The following RIMS2 variants were observed in gnomAD, a reference collection of about 807,000 sequenced individuals.
RIMS2 encodes regulating synaptic membrane exocytosis 2.
In RIMS2, 59 loss-of-function variants were observed where a neutral mutation model predicts 174.4. The ratio of observed to expected loss-of-function variants is 0.34; its 90% confidence interval spans 0.27 to 0.42. The LOEUF (loss-of-function observed/expected upper bound fraction) is 0.42, where lower values mean the gene tolerates loss of function less well. Among genes scored for constraint, RIMS2 ranks in the 10% least tolerant of loss-of-function variants. The probability of loss-of-function intolerance (pLI) is 1.00; values close to 1 mark genes in which losing one functional copy is unlikely to be tolerated. For synonymous variants in RIMS2, 606 were observed against 572.5 expected (o/e 1.06, Z -0.84); for missense variants, 1,620 against 1,666.3 (o/e 0.97, Z 0.48).
intron 11 of RIMS2, among the ~76,000 whole-genome samples, chr8:103,929,287 A>G (rs1022753476): frequency 1.3e-5 from 2 of 151,792 alleles, no homozygotes; most frequent in Non-Finnish European, 3.0e-5. Context: ...AAATCTGAAA[A>G]GAATACTCTC....
chr8:103,846,651 G>A (rs1487083269), intron 3 of RIMS2, among the ~76,000 whole-genome samples: 2 of 152,086 alleles, frequency 1.3e-5, no homozygotes, highest in Admixed American at 6.6e-5. Context: ...CACCAACAAT[G>A]TGTACATTAG....
intron 1 of RIMS2, among the ~76,000 whole-genome samples, chr8:103,585,976 C>T (rs1563891594): frequency 6.9e-6 from 1 of 144,624 alleles, no homozygotes; most frequent in Non-Finnish European, 1.5e-5. Flanking sequence ...GATCTCAAGA[C>T]TAAAATGATA....
At chr8:103,562,850 C>T (rs893167134) in intron 1 of RIMS2, among the ~76,000 whole-genome samples, 3 of 152,158 alleles carry the variant, frequency 2.0e-5, no homozygotes, top group African/African-American at 7.2e-5. Context: ...GTTCCCAAAC[C>T]TCAGCTCTTG....
At chr8:103,518,879 G>T (rs1006713582) in intron 1 of RIMS2, among the ~76,000 whole-genome samples, 1 of 150,158 alleles carries the variant, frequency 6.7e-6, no homozygotes, top group Non-Finnish European at 1.5e-5. Context: ...TCTCTATTCT[G>T]GGTTTGTCCT....
intron 19 of RIMS2, among the ~76,000 whole-genome samples, chr8:104,189,831 A>G (rs1404211949): frequency 1.3e-5 from 2 of 152,028 alleles, no homozygotes; most frequent in East Asian, 3.9e-4. Flanking sequence ...AAAAACCAAT[A>G]ATTACTTTGC....
chr8:103,537,251 T>A (rs1391973131), intron 1 of RIMS2, among the ~76,000 whole-genome samples: 2 of 152,136 alleles, frequency 1.3e-5, no homozygotes, highest in Non-Finnish European at 2.9e-5. Context: ...AAATTAACAG[T>A]GATTATATTG....
At chr8:103,856,895 C>T (rs1209966032) in intron 3 of RIMS2, among the ~76,000 whole-genome samples, 1 of 152,016 alleles carries the variant, frequency 6.6e-6, no homozygotes, top group Non-Finnish European at 1.5e-5. Context: ...CAACCTCCGC[C>T]TCTCAGGTTC....
chr8:103,666,362 C>T (rs1443345797), intron 1 of RIMS2, among the ~76,000 whole-genome samples: 1 of 152,082 alleles, frequency 6.6e-6, no homozygotes, highest in East Asian at 1.9e-4. Context: ...CAGTTTTAGG[C>T]TAAGCCTAAT....
chr8:103,858,613 G>T (rs12114508), intron 3 of RIMS2, among the ~76,000 whole-genome samples: 1 of 150,482 alleles, frequency 6.6e-6, no homozygotes, highest in Non-Finnish European at 1.5e-5. Context: ...CTGTGTGTGT[G>T]TGTATATATA....
At chr8:103,941,183 T>C (rs1023821870) in intron 13 of RIMS2, among the ~76,000 whole-genome samples, 5 of 152,098 alleles carry the variant, frequency 3.3e-5, no homozygotes, top group Admixed American at 6.6e-5. Flanking sequence ...AGAGAAAATT[T>C]AGGAAGAATG....
At chr8:103,517,946 C>G (rs1235926991) in intron 1 of RIMS2, among the ~76,000 whole-genome samples, 2 of 150,546 alleles carry the variant, frequency 1.3e-5, no homozygotes, top group East Asian at 2.0e-4. Flanking sequence ...GCAAAAAAAT[C>G]TCATCATATT....
chr8:103,608,002 G>C (rs2095201162), intron 1 of RIMS2, among the ~76,000 whole-genome samples: 4 of 147,816 alleles, frequency 2.7e-5, no homozygotes, highest in Admixed American at 2.7e-4. Context: ...CTCTCAGCTC[G>C]TCAAAGTCAT....
chr8:103,584,226 A>C (rs2093776122), intron 1 of RIMS2, among the ~76,000 whole-genome samples: 1 of 152,230 alleles, frequency 6.6e-6, no homozygotes, highest in Non-Finnish European at 1.5e-5. Context: ...TTATTGTAGA[A>C]TAGTATATCT....
chr8:104,100,138 T>C (rs1206198974), intron 19 of RIMS2, among the ~76,000 whole-genome samples: 2 of 152,198 alleles, frequency 1.3e-5, no homozygotes, highest in African/African-American at 4.8e-5. Context: ...TTTCTTGCAA[T>C]GATGTTTTGT....
intron 13 of RIMS2, among the ~76,000 whole-genome samples, chr8:103,938,328 G>A (rs1252469067): frequency 6.6e-6 from 1 of 152,116 alleles, no homozygotes; most frequent in African/African-American, 2.4e-5. Flanking sequence ...AGCAAGTCAC[G>A]TCTTACATGG....
chr8:103,738,177 C>A (rs1325753001), intron 2 of RIMS2, among the ~76,000 whole-genome samples: 3 of 152,038 alleles, frequency 2.0e-5, no homozygotes, highest in Non-Finnish European at 4.4e-5. Context: ...CTGCCCTCAA[C>A]CCAAAATGAG....
chr8:103,729,891 T>G (rs1319057157), intron 2 of RIMS2, among the ~76,000 whole-genome samples: 1 of 152,210 alleles, frequency 6.6e-6, no homozygotes, highest in Non-Finnish European at 1.5e-5. Flanking sequence ...TTTTATTTCA[T>G]TGTGGTCAGA....
chr8:103,812,061 G>A (rs1230321100), intron 3 of RIMS2, among the ~76,000 whole-genome samples: 3 of 152,140 alleles, frequency 2.0e-5, no homozygotes, highest in Admixed American at 2.0e-4. Flanking sequence ...CCTAAGAAAT[G>A]CTATAAAATG....
chr8:103,967,881 T>C, intron 15 of RIMS2, among the ~76,000 whole-genome samples: 1 of 127,858 alleles, frequency 7.8e-6, no homozygotes, highest in Non-Finnish European at 1.7e-5. Context: ...TGAGACAGAG[T>C]CTGGCTCTGT....
Sources: gnomAD v4.1 joint callset for allele counts (sites outside exome capture counted in the v4.1 genomes callset) on GRCh38, gnomAD v4.1.1 for gene constraint, MANE v1.5 for transcripts, NCBI Gene and HGNC (gene_info 2026-07-23, HGNC 2026-07-21) for gene names.